COL4A6: variants seen among roughly 807,000 people sequenced by gnomAD.
COL4A6 encodes the protein collagen alpha-6(IV) chain.
In COL4A6, 59 loss-of-function variants were observed where a neutral mutation model predicts 126.7. The ratio of observed to expected loss-of-function variants is 0.47; its 90% CI spans 0.38 to 0.58. COL4A6 has a LOEUF of 0.58. Ranked by LOEUF, COL4A6 falls within the 20% of genes least tolerant of loss-of-function variation. COL4A6 has a pLI of 0.00. For missense variants in COL4A6, 1,285 were observed against 1,337.3 expected (o/e 0.96, Z 0.61); for synonymous variants, 547 against 496.6 (o/e 1.10, Z -1.35).
chrX:108,416,675 AC>A (rs1256789760), intron 2 of COL4A6, among the ~76,000 whole-genome samples: 2 of 112,025 alleles, frequency 1.8e-5, no homozygotes, highest in Admixed American at 9.5e-5. Context: ...ATGAATAACC[AC>A]ATACTAACCT....
At position 108,193,762 on chromosome X, in the gene COL4A6, C is replaced by T. The variant is rs569276949; in HGVS notation, c.1003-65G>A. On this transcript the variant is annotated intron_variant, in intron 16 of 44. Coordinates refer to ENST00000334504, the MANE Select transcript of COL4A6 (RefSeq NM_033641.4). ...TCCTTATTACCCAAGATCTATGTGC[C>T]ATTAAAGCCCATCCCTAGGAAAATG... is the stretch of plus-strand genomic sequence containing the variant. The T allele has an allele frequency of 6.7e-6, 6 of 897,385 alleles. No individual in the cohort carries two copies. The South Asian group carries it at 1.3e-4, about 20-fold the overall frequency. The allele number at this position is 897,385 out of a possible 1,213,427, so 74.0% of individuals were successfully genotyped here. A position where few individuals can be genotyped will look rare whatever the true frequency, so the allele number is the denominator to read the frequency against.
intron 3 of COL4A6, among the ~76,000 whole-genome samples, chrX:108,226,877 T>C (rs2036181590): frequency 9.0e-6 from 1 of 111,665 alleles, no homozygotes; most frequent in Non-Finnish European, 1.9e-5. Context: ...ATGGTCTTAG[T>C]TCAAGTCTTT....
rs751092781 is a variant in COL4A6 at position 108,279,877 on chromosome X, C to T, written c.144+30871G>A. On this transcript the variant is annotated intron_variant, in intron 3 of 44. Transcript: ENST00000334504. ...CACAACTACATGGAAACTGAACAAC[C>T]TGCTCCTGAATGACTTCTGGGTACA... 4.5e-5 allele frequency among the ~76,000 whole-genome samples: 5 copies of T among 111,533 alleles called. No homozygotes were observed. The South Asian group carries it at 1.5e-3, about 34-fold the overall frequency.
chrX:108,211,641 C>T (rs1228571719), intron 7 of COL4A6, 31 bp downstream of exon 7: 1 of 1,178,477 alleles, frequency 8.5e-7, no homozygotes, highest in African/African-American at 1.8e-5. Flanking sequence ...AGCTTATAGC[C>T]TACTCAGCTA....
chrX:108,420,684 G>A (rs1268088630), intron 2 of COL4A6, among the ~76,000 whole-genome samples: 1 of 111,704 alleles, frequency 9.0e-6, no homozygotes, highest in Non-Finnish European at 1.9e-5. Flanking sequence ...AAAGATAAAG[G>A]CACAATTCAG....
In COL4A6 at chrX:108,175,677, C is replaced by T. The variant is rs140519216; in HGVS notation, c.2807G>A (p.Arg936His). 122 of 1,203,625 alleles carry T rather than the reference C, an allele frequency of 1.0e-4. No individual in the cohort carries two copies. The African/African-American group carries it at 1.4e-3, about 14-fold the overall frequency. ...GSTGKMGPSG[R>H]AGTPGEKGDR... ...ACCCTTTTCACCAGGAGTACCAGCA[C>T]GTCCAGATGGTCCCATTTTTCCAGT... Residue 936 changes from arginine (R) to histidine (H), a missense_variant, in exon 29 of 45, where the codon CGT becomes CAT. Physicochemically the swap from Arg to His is conservative, Grantham distance 29 (BLOSUM62 0). Coordinates refer to ENST00000334504, the MANE Select transcript of COL4A6 (RefSeq NM_033641.4).
intron 3 of COL4A6, among the ~76,000 whole-genome samples, chrX:108,308,826 A>T (rs2038689434): frequency 8.9e-6 from 1 of 111,777 alleles, no homozygotes; most frequent in South Asian, 3.7e-4. Flanking sequence ...TATGCTAGAG[A>T]TGTATCTATG....
Position 108,192,527 on chromosome X carries a change from C to T in COL4A6, c.1126G>A (p.Gly376Ser). 3 of 1,208,818 alleles carry T rather than the reference C, an allele frequency of 2.5e-6. No individual in the cohort carries two copies. Among genetic ancestry groups the T allele is most frequent in the Non-Finnish European group, 3.4e-6 (3 of 893,850 alleles). The change falls in exon 18 of 45, where the codon GGC becomes AGC. Residue 376 changes from glycine (G) to serine (S), a missense_variant. Coordinates refer to ENST00000334504, the MANE Select transcript of COL4A6 (RefSeq NM_033641.4). ...PGLPGLKGDE[G>S]IQGLRGPSGV... ...GAAGGGCCACGTAGGCCTTGGATGC[C>T]TTCATCTCCTTTAAGGCCTGGGAGG...
intron 3 of COL4A6, among the ~76,000 whole-genome samples, chrX:108,224,599 C>T (rs957390644): frequency 9.0e-5 from 10 of 111,360 alleles, no homozygotes; most frequent in Non-Finnish European, 1.9e-4. Context: ...GCCTTCCCAT[C>T]CATGGATGTC....
chrX:108,362,926 C>T (rs1244470123), intron 2 of COL4A6, among the ~76,000 whole-genome samples: 2 of 111,940 alleles, frequency 1.8e-5, no homozygotes, highest in Admixed American at 9.5e-5. Context: ...AAACCTCATG[C>T]CCCAGAGCCA....
intron 2 of COL4A6, among the ~76,000 whole-genome samples, chrX:108,322,629 G>A (rs2039056718): frequency 8.9e-6 from 1 of 111,817 alleles, no homozygotes; most frequent in Non-Finnish European, 1.9e-5. Flanking sequence ...ACACAAACAG[G>A]CAAACTAAAT....
At chrX:108,265,675 C>T (rs372155496) in intron 3 of COL4A6, among the ~76,000 whole-genome samples, 14 of 110,203 alleles carry the variant, frequency 1.3e-4, no homozygotes, top group East Asian at 1.2e-3. Flanking sequence ...TTCAGGAAGA[C>T]GAAATAGTGT....
At chrX:108,439,434 T>G, upstream of COL4A6, 1 of 625,093 alleles carries the variant, frequency 1.6e-6, no homozygotes, top group Non-Finnish European at 2.3e-6. Context: ...CTCTGTTCTG[T>G]GAGCAGCTGG....
At chrX:108,224,552 C>T (rs1045108269) in intron 3 of COL4A6, among the ~76,000 whole-genome samples, 1 of 110,834 alleles carries the variant, frequency 9.0e-6, no homozygotes, top group Non-Finnish European at 1.9e-5. Context: ...GTGTGAGGCT[C>T]TTATGGAGCC....
At chrX:108,191,612 G>A in intron 18 of COL4A6, 79 bp from the exon 19 acceptor site, 1 of 1,076,346 alleles carries the variant, frequency 9.3e-7, no homozygotes, top group Non-Finnish European at 1.2e-6. Context: ...GCATATGTTG[G>A]AAACAAATCC....
At chrX:108,349,569 G>A (rs2207981) in intron 2 of COL4A6, among the ~76,000 whole-genome samples, 40,955 of 110,300 alleles carry the variant, frequency 0.37, 6,753 homozygotes, top group East Asian at 0.73. Flanking sequence ...CTTTCCGTAT[G>A]GGGCTGTCGT....
At chrX:108,404,382 T>A (rs901014905) in intron 2 of COL4A6, among the ~76,000 whole-genome samples, 1 of 111,800 alleles carries the variant, frequency 8.9e-6, no homozygotes, top group African/African-American at 3.2e-5. Context: ...GTTGCTTAGT[T>A]ATTAGAGTGG....
intron 28 of COL4A6, among the ~76,000 whole-genome samples, chrX:108,176,214 A>C (rs941467862): frequency 1.8e-5 from 2 of 108,136 alleles, no homozygotes; most frequent in African/African-American, 6.8e-5. Flanking sequence ...AATCCCAGCT[A>C]CTCGGGAGGC....
At chrX:108,198,000 G>A (rs988884336) in intron 13 of COL4A6, among the ~76,000 whole-genome samples, 4 of 111,428 alleles carry the variant, frequency 3.6e-5, no homozygotes, top group African/African-American at 9.8e-5. Context: ...GGCATGCTGC[G>A]ACTTGGTGGA....
Sources: allele counts gnomAD v4.1 joint callset (sites outside exome capture counted in the v4.1 genomes callset), GRCh38; gene constraint gnomAD v4.1.1; transcripts MANE v1.5; gene names NCBI Gene and HGNC (gene_info 2026-07-23, HGNC 2026-07-21).